The following CAMK1D variants were observed in gnomAD, a reference collection of about 807,000 sequenced individuals.
The protein encoded by CAMK1D is calcium/calmodulin-dependent protein kinase type 1D.
In CAMK1D, 9 loss-of-function variants were observed where a neutral mutation model predicts 47.7. That is an observed-to-expected ratio of 0.19 (90% CI 0.11 to 0.33). The LOEUF (loss-of-function observed/expected upper bound fraction) is 0.33, where lower values mean the gene tolerates loss of function less well. Ranked by LOEUF, CAMK1D falls within the 10% of genes least tolerant of loss-of-function variation. The probability of loss-of-function intolerance (pLI) is 1.00; values close to 1 mark genes in which losing one functional copy is unlikely to be tolerated. For missense variants in CAMK1D, 291 were observed against 488.7 expected (o/e 0.60, Z 3.81); for synonymous variants, 184 against 184.9 (o/e 0.99, Z 0.04).
intron 4 of CAMK1D, among the ~76,000 whole-genome samples, chr10:12,764,152 G>C (rs1420013089): frequency 3.3e-5 from 5 of 152,112 alleles, no homozygotes. Flanking sequence ...AGGCGGAGGC[G>C]GGTGGATTGC....
intron 2 of CAMK1D, among the ~76,000 whole-genome samples, chr10:12,619,088 A>C (rs932747107): frequency 6.6e-6 from 1 of 152,236 alleles, no homozygotes; most frequent in Non-Finnish European, 1.5e-5. Flanking sequence ...GCAGGAGCTC[A>C]ATAAATGCTT....
intron 2 of CAMK1D, among the ~76,000 whole-genome samples, chr10:12,565,335 C>T (rs1041819771): frequency 1.1e-4 from 16 of 152,268 alleles, no homozygotes; most frequent in African/African-American, 2.9e-4. Flanking sequence ...CTGCAACCTC[C>T]GCCTCCCAGG....
chr10:12,764,276 G>A lies in CAMK1D; in HGVS notation c.438+3190G>A, dbSNP rs1481112632. The stretch of plus-strand genomic sequence containing the variant: ...GGTGCCTGTAATCCCAGCTACTCAG[G>A]AGGCTGAGGCAGGAGAATCGCTTTA... On this transcript the variant is annotated intron_variant, in intron 4 of 10. Transcript: ENST00000619168. Among the ~76,000 whole-genome samples the A allele has an allele frequency of 2.0e-5, 3 of 151,456 alleles. No homozygotes were observed. In the East Asian group the frequency reaches 5.8e-4, roughly 29 times the overall value.
chr10:12,754,023 TGGGATTACA>T (rs943223092), intron 3 of CAMK1D, among the ~76,000 whole-genome samples: 13 of 152,152 alleles, frequency 8.5e-5, no homozygotes, highest in African/African-American at 2.9e-4. Flanking sequence ...CCCGAGTAGC[TGGGATTACA>T]GGAGTGTGGC....
intron 3 of CAMK1D, among the ~76,000 whole-genome samples, chr10:12,725,956 CA>C (rs1834611094): frequency 6.6e-6 from 1 of 151,942 alleles, no homozygotes; most frequent in Admixed American, 6.6e-5. Context: ...GGGGCTTCCT[CA>C]TGTTGGCCAG....
At chr10:12,777,649 C>T (rs1837317906) in intron 5 of CAMK1D, among the ~76,000 whole-genome samples, 1 of 152,184 alleles carries the variant, frequency 6.6e-6, no homozygotes, top group Admixed American at 6.5e-5. Context: ...GCTGGGATTA[C>T]AGGCGTGAGC....
intron 3 of CAMK1D, among the ~76,000 whole-genome samples, chr10:12,693,694 C>T (rs1368727837): frequency 3.3e-5 from 5 of 150,912 alleles, no homozygotes; most frequent in Non-Finnish European, 5.9e-5. Flanking sequence ...TGATTTCATA[C>T]ACAAAACTGT....
intron 1 of CAMK1D, among the ~76,000 whole-genome samples, chr10:12,361,984 T>C (rs1307662708): frequency 1.3e-5 from 2 of 152,158 alleles, no homozygotes; most frequent in Non-Finnish European, 2.9e-5. Flanking sequence ...CGCCGGTCTG[T>C]GTACAGGGAA....
chr10:12,482,808 A>T (rs12241924), intron 1 of CAMK1D, among the ~76,000 whole-genome samples: 1 of 152,148 alleles, frequency 6.6e-6, no homozygotes, highest in African/African-American at 2.4e-5. Flanking sequence ...CACCAAAGGG[A>T]TGTCACGACG....
intron 3 of CAMK1D, among the ~76,000 whole-genome samples, chr10:12,756,442 A>T (rs1836230120): frequency 6.6e-6 from 1 of 152,238 alleles, no homozygotes; most frequent in Non-Finnish European, 1.5e-5. Context: ...TACTCGGTCC[A>T]GCAACTTCAA....
At chr10:12,548,554 T>C (rs1399833523) in intron 1 of CAMK1D, among the ~76,000 whole-genome samples, 1 of 142,596 alleles carries the variant, frequency 7.0e-6, no homozygotes, top group African/African-American at 2.6e-5. Context: ...AGCCTTGACC[T>C]CCCGGGCCCA....
intron 1 of CAMK1D, among the ~76,000 whole-genome samples, chr10:12,499,036 C>T (rs1834622910): frequency 1.3e-5 from 2 of 150,286 alleles, no homozygotes; most frequent in Admixed American, 1.3e-4. Flanking sequence ...TGGGTCATAC[C>T]TGAAATCTAC....
chr10:12,424,378 A>G (rs147890417), intron 1 of CAMK1D, among the ~76,000 whole-genome samples: 1 of 151,218 alleles, frequency 6.6e-6, no homozygotes, highest in East Asian at 2.0e-4. Context: ...TCTCCTCCCA[A>G]TCCCCCTTTT....
intron 2 of CAMK1D, among the ~76,000 whole-genome samples, chr10:12,580,645 A>G (rs1320898465): frequency 2.0e-5 from 3 of 152,242 alleles, no homozygotes; most frequent in East Asian, 1.9e-4. Context: ...AGAGAAAAAC[A>G]GAAGTCATGG....
In CAMK1D at chr10:12,642,048, T is replaced by TAAAAAAA. The variant is rs34344996; in HGVS notation, c.225-24680_225-24674dup. Among the ~76,000 whole-genome samples the TAAAAAAA allele has an allele frequency of 5.3e-5, 7 of 133,266 alleles. 1 individual carries two copies. The highest frequency in any genetic ancestry group is 8.1e-3 in the Middle Eastern group (2 of 248). The allele number at this position is 133,266 out of a possible 152,430, so 87.4% of individuals were successfully genotyped here. A position where few individuals can be genotyped will look rare whatever the true frequency, so the allele number is the denominator to read the frequency against. On this transcript the variant is annotated intron_variant, in intron 2 of 10. Coordinates refer to ENST00000619168, the MANE Select transcript of CAMK1D (RefSeq NM_153498.4). ...GACAGAGTGAGACCCTTTCTCAGAA[T>TAAAAAAA]AAAAAAAAAAAAAAGAAAGAAAAGG... is the stretch of plus-strand genomic sequence containing the variant.
intron 3 of CAMK1D, among the ~76,000 whole-genome samples, chr10:12,720,904 T>C (rs1834344060): frequency 6.6e-6 from 1 of 152,156 alleles, no homozygotes; most frequent in African/African-American, 2.4e-5. Flanking sequence ...ACCACGTGAG[T>C]CATTTTTCAA....
intron 2 of CAMK1D, among the ~76,000 whole-genome samples, chr10:12,641,695 C>T (rs1294318546): frequency 6.6e-6 from 1 of 151,882 alleles, no homozygotes; most frequent in Admixed American, 6.6e-5. Flanking sequence ...ATAAGTTGGT[C>T]CTTGACAGAT....
chr10:12,687,151 A>T (rs1393663388), intron 3 of CAMK1D, among the ~76,000 whole-genome samples: 1 of 152,088 alleles, frequency 6.6e-6, no homozygotes, highest in Non-Finnish European at 1.5e-5. Flanking sequence ...CTCAGAACAT[A>T]TTCATTTTTA....
intron 1 of CAMK1D, among the ~76,000 whole-genome samples, chr10:12,495,980 A>T (rs553496640): frequency 6.6e-6 from 1 of 152,130 alleles, no homozygotes; most frequent in Admixed American, 6.6e-5. Context: ...TGTGTGCGCC[A>T]CTGTGCCCTC....
Sources: gnomAD v4.1 joint callset for allele counts (sites outside exome capture counted in the v4.1 genomes callset) on GRCh38, gnomAD v4.1.1 for gene constraint, MANE v1.5 for transcripts, NCBI Gene and HGNC (gene_info 2026-07-23, HGNC 2026-07-21) for gene names.